The following NALF1 variants were observed in gnomAD, a reference collection of about 807,000 sequenced individuals.
NALF1 encodes the protein family with sequence similarity 155 member A.
In NALF1, 3 loss-of-function variants were observed where a neutral mutation model predicts 48.4. The ratio of observed to expected loss-of-function variants is 0.06; its 90% CI spans 0.03 to 0.16. The LOEUF (loss-of-function observed/expected upper bound fraction) is 0.16. Among genes scored for constraint, NALF1 ranks in the 10% least tolerant of loss-of-function variants. The pLI, the probability that NALF1 is intolerant of heterozygous loss-of-function variation, is 1.00. For synonymous variants in NALF1, 262 were observed against 245.7 expected (o/e 1.07, Z -0.62); for missense variants, 526 against 571.5 (o/e 0.92, Z 0.81).
At chr13:107,499,800 T>C (rs1875459149) in intron 1 of NALF1, among the ~76,000 whole-genome samples, 1 of 152,184 alleles carries the variant, frequency 6.6e-6, no homozygotes, top group Admixed American at 6.5e-5. Flanking sequence ...ACGTATTGTC[T>C]CTTTTTCTTC....
At chr13:107,290,198 A>AAAAAAAAAAAAAAAAAAAAAAG (rs1555330705) in intron 1 of NALF1, among the ~76,000 whole-genome samples, 1 of 149,010 alleles carries the variant, frequency 6.7e-6, no homozygotes, top group African/African-American at 2.5e-5. Flanking sequence ...AAAAAAAAAA[A>AAAAAAAAAAAAAAAAAAAAAAG]CCAGAAATAC....
At chr13:107,628,440 T>TA (rs1175614439) in intron 1 of NALF1, among the ~76,000 whole-genome samples, 1 of 152,146 alleles carries the variant, frequency 6.6e-6, no homozygotes, top group African/African-American at 2.4e-5. Context: ...TGCCAAGTGA[T>TA]ACGCTAATGG....
chr13:107,247,580 C>T (rs377524353), intron 1 of NALF1, among the ~76,000 whole-genome samples: 7 of 152,140 alleles, frequency 4.6e-5, no homozygotes, highest in Non-Finnish European at 7.3e-5. Flanking sequence ...AAATATTATA[C>T]GCTGAGGTTA....
At chr13:107,822,197 T>C (rs1879378645) in intron 1 of NALF1, among the ~76,000 whole-genome samples, 1 of 152,154 alleles carries the variant, frequency 6.6e-6, no homozygotes, top group Non-Finnish European at 1.5e-5. Context: ...ACTGACCTTC[T>C]GCAGCAAAAA....
intron 1 of NALF1, among the ~76,000 whole-genome samples, chr13:107,220,994 T>C (rs1034434933): frequency 6.6e-6 from 1 of 152,154 alleles, no homozygotes; most frequent in Non-Finnish European, 1.5e-5. Context: ...AAAATTTCTT[T>C]TGCAGCAAGT....
rs1166367565 is a variant in NALF1, at chr13:107,170,228, AC to A, written c.*268del. On this transcript the variant is annotated 3_prime_UTR_variant, in exon 3 of 3. Transcript: ENST00000375915. ...AAAATAAACAAACAAATAAACCCAA[AC>A]CAAAACGAAAGCAAATAAAACCTCC... 1 of 357,808 alleles carries A rather than the reference AC, an allele frequency of 2.8e-6. No homozygotes were observed. The highest frequency in any genetic ancestry group is 5.1e-6 in the Non-Finnish European group (1 of 197,222). The allele number at this position is 357,808 out of a possible 1,614,324, so 22.2% of individuals were successfully genotyped here. A position where few individuals can be genotyped will look rare whatever the true frequency, so the allele number is the denominator to read the frequency against.
chr13:107,564,465 A>G (rs1409449696), intron 1 of NALF1, among the ~76,000 whole-genome samples: 1 of 152,168 alleles, frequency 6.6e-6, no homozygotes, highest in East Asian at 1.9e-4. Context: ...GGTCGTTTTA[A>G]GTGGGTGCAC....
At chr13:107,834,800 T>C (rs546348503) in intron 1 of NALF1, among the ~76,000 whole-genome samples, 3 of 152,364 alleles carry the variant, frequency 2.0e-5, no homozygotes, top group African/African-American at 7.2e-5. Context: ...TGTTCATCTG[T>C]AGCATTGCTT....
chr13:107,331,775 T>C (rs1280053336), intron 1 of NALF1, among the ~76,000 whole-genome samples: 3 of 152,138 alleles, frequency 2.0e-5, no homozygotes, highest in African/African-American at 7.2e-5. Context: ...AAAAATATTA[T>C]GCATATTTGT....
At chr13:107,541,174 A>G (rs1004071637) in intron 1 of NALF1, among the ~76,000 whole-genome samples, 1 of 152,140 alleles carries the variant, frequency 6.6e-6, no homozygotes, top group Non-Finnish European at 1.5e-5. Context: ...GTCAAAAAAT[A>G]AAAAGCTTGG....
intron 1 of NALF1, among the ~76,000 whole-genome samples, chr13:107,510,584 T>C (rs1875855164): frequency 6.6e-6 from 1 of 152,228 alleles, no homozygotes; most frequent in African/African-American, 2.4e-5. Context: ...ACTATAATCC[T>C]GCAACATTAT....
At chr13:107,247,966 C>T (rs16969929) in intron 1 of NALF1, among the ~76,000 whole-genome samples, 2 of 152,036 alleles carry the variant, frequency 1.3e-5, no homozygotes, top group South Asian at 4.2e-4. Context: ...TTAGCAAAGA[C>T]GTGAAAAGCA....
intron 2 of NALF1, among the ~76,000 whole-genome samples, chr13:107,176,316 GT>G (rs5806633): frequency 0.024 from 3,002 of 123,236 alleles, 22 homozygotes; most frequent in African/African-American, 0.062. Flanking sequence ...CAACCTCACA[GT>G]TTTTTTTTTT....
intron 2 of NALF1, among the ~76,000 whole-genome samples, chr13:107,201,139 C>T (rs893341507): frequency 2.6e-5 from 4 of 151,492 alleles, no homozygotes; most frequent in Admixed American, 6.6e-5. Context: ...TGTGCATGTA[C>T]GTTGATATCT....
chr13:107,839,432 C>T (rs1879986809), intron 1 of NALF1, among the ~76,000 whole-genome samples: 2 of 150,572 alleles, frequency 1.3e-5, no homozygotes, highest in Admixed American at 6.7e-5. Context: ...AGCTCTATAG[C>T]TTATCATGAG....
intron 1 of NALF1, among the ~76,000 whole-genome samples, chr13:107,465,273 TG>T (rs1441020236): frequency 1.3e-5 from 2 of 151,234 alleles, no homozygotes; most frequent in African/African-American, 2.4e-5. Context: ...TGTTAAATAT[TG>T]TCATGTTTTT....
chr13:107,466,484 C>G (rs1007409898), intron 1 of NALF1: 1 of 152,268 alleles, frequency 6.6e-6, no homozygotes, highest in Non-Finnish European at 1.5e-5. Flanking sequence ...CATGGAAGAT[C>G]CACTCAAATG....
intron 1 of NALF1, among the ~76,000 whole-genome samples, chr13:107,331,436 ACACC>A (rs1430189515): frequency 1.3e-5 from 2 of 152,200 alleles, no homozygotes; most frequent in African/African-American, 4.8e-5. Flanking sequence ...ACCATAGAGG[ACACC>A]CAGTCTCACC....
chr13:107,809,743 C>A (rs1438736161), intron 1 of NALF1, among the ~76,000 whole-genome samples: 2 of 152,058 alleles, frequency 1.3e-5, no homozygotes, highest in Admixed American at 1.3e-4. Flanking sequence ...ATGTCTTTCC[C>A]AGATAGAACG....
Sources: gnomAD v4.1 joint callset for allele counts (sites outside exome capture counted in the v4.1 genomes callset) on GRCh38, gnomAD v4.1.1 for gene constraint, MANE v1.5 for transcripts, NCBI Gene and HGNC (gene_info 2026-07-23, HGNC 2026-07-21) for gene names.